The following PSMB7 variants were observed in gnomAD, a reference collection of about 807,000 sequenced individuals.
PSMB7 encodes proteasome subunit beta type-7.
In PSMB7, 5 loss-of-function variants were observed where a neutral mutation model predicts 28.1. The ratio of observed to expected loss-of-function variants is 0.18; its 90% CI spans 0.09 to 0.37. PSMB7 has a LOEUF of 0.37. Ranked by LOEUF, PSMB7 falls within the 10% of genes least tolerant of loss-of-function variation. PSMB7 has a pLI of 1.00. For missense variants in PSMB7, 275 were observed against 346.2 expected (o/e 0.79, Z 1.63); for synonymous variants, 122 against 123.7 (o/e 0.99, Z 0.09).
At chr9:124,398,510 GT>G (rs1232003232) in intron 5 of PSMB7, 7 of 326,898 alleles carry the variant, frequency 2.1e-5, no homozygotes, top group South Asian at 7.9e-5. Context: ...AAATCACGTT[GT>G]TTTTGGGTAG....
chr9:124,397,211 C>T (rs1248518623), intron 5 of PSMB7, among the ~76,000 whole-genome samples: 1 of 152,216 alleles, frequency 6.6e-6, no homozygotes, highest in Non-Finnish European at 1.5e-5. Context: ...GCACCCACCT[C>T]ACAGTGGTGC....
At chr9:124,369,252 G>C (rs1371074725) in intron 6 of PSMB7, among the ~76,000 whole-genome samples, 1 of 152,164 alleles carries the variant, frequency 6.6e-6, no homozygotes, top group Non-Finnish European at 1.5e-5. Context: ...TTCAGGGTGA[G>C]GGGAGGGTAG....
intron 6 of PSMB7, among the ~76,000 whole-genome samples, chr9:124,377,002 C>A (rs1830617157): frequency 1.3e-5 from 2 of 152,228 alleles, no homozygotes; most frequent in Non-Finnish European, 2.9e-5. Flanking sequence ...GATAAGAAGG[C>A]CTGTATCTAT....
At chr9:124,358,727 CCT>C (rs1588566269) in intron 6 of PSMB7, among the ~76,000 whole-genome samples, 1 of 152,252 alleles carries the variant, frequency 6.6e-6, no homozygotes, top group Admixed American at 6.5e-5. Context: ...TACTTATTCC[CCT>C]GTTCCCGGCC....
chr9:124,385,056 C>G (rs1455386204), intron 5 of PSMB7, among the ~76,000 whole-genome samples: 1 of 152,212 alleles, frequency 6.6e-6, no homozygotes, highest in African/African-American at 2.4e-5. Context: ...GGGTATAGCG[C>G]TAAATACCAA....
intron 6 of PSMB7, among the ~76,000 whole-genome samples, chr9:124,367,757 G>C (rs1380592410): frequency 6.6e-6 from 1 of 152,158 alleles, no homozygotes; most frequent in Non-Finnish European, 1.5e-5. Context: ...TGGTCATGAG[G>C]ATGATACGAA....
chr9:124,405,993 C>G (rs1830958613), intron 4 of PSMB7, among the ~76,000 whole-genome samples: 1 of 152,018 alleles, frequency 6.6e-6, no homozygotes. Flanking sequence ...GCCCACAGTC[C>G]CCTTTAAAAG....
intron 5 of PSMB7, among the ~76,000 whole-genome samples, chr9:124,392,879 T>C (rs1197704143): frequency 1.3e-5 from 2 of 152,308 alleles, no homozygotes; most frequent in East Asian, 1.9e-4. Context: ...TTTGCCACCA[T>C]GGCCTGCCAA....
chr9:124,353,815 C>A, intron 7 of PSMB7, 106 bp from the exon 8 acceptor site: 1 of 833,500 alleles, frequency 1.2e-6, no homozygotes, highest in Non-Finnish European at 2.0e-6. Context: ...GCAGGCTGGA[C>A]TGGAATCTTG....
intron 6 of PSMB7, among the ~76,000 whole-genome samples, chr9:124,377,692 T>C (rs1174578825): frequency 1.3e-5 from 2 of 152,230 alleles, no homozygotes; most frequent in African/African-American, 4.8e-5. Context: ...TAGCAATCTA[T>C]AAGGGCTTCT....
intron 6 of PSMB7, among the ~76,000 whole-genome samples, chr9:124,357,919 G>A (rs920826469): frequency 2.6e-5 from 4 of 152,192 alleles, no homozygotes; most frequent in African/African-American, 9.7e-5. Context: ...TGCACACGAG[G>A]CACTCAGAAA....
intron 5 of PSMB7, among the ~76,000 whole-genome samples, chr9:124,387,110 G>A (rs962784231): frequency 1.3e-5 from 2 of 152,104 alleles, no homozygotes; most frequent in African/African-American, 4.8e-5. Context: ...GCCGAGCATG[G>A]TGGTGGGCGC....
At chr9:124,357,797 G>A (rs761288286) in intron 6 of PSMB7, among the ~76,000 whole-genome samples, 3 of 152,194 alleles carry the variant, frequency 2.0e-5, no homozygotes, top group Non-Finnish European at 4.4e-5. Context: ...GTCTAGCAGG[G>A]GCACCTGACC....
chr9:124,405,289 T>C, intron 5 of PSMB7, 28 bp downstream of exon 5: 1 of 1,503,818 alleles, frequency 6.6e-7, no homozygotes, highest in Non-Finnish European at 9.2e-7. Context: ...AAGAGTACTC[T>C]TAAACATCAG....
At chr9:124,412,935 A>G (rs1403622473) in intron 3 of PSMB7, among the ~76,000 whole-genome samples, 5 of 152,292 alleles carry the variant, frequency 3.3e-5, no homozygotes, top group Admixed American at 6.5e-5. Context: ...GACAAAAATT[A>G]TAACACATAA....
chr9:124,383,681 C>A (rs1830690597), intron 6 of PSMB7: 1 of 152,166 alleles, frequency 6.6e-6, no homozygotes, highest in Non-Finnish European at 1.5e-5. Context: ...CAGAGACACC[C>A]TCTGGTCCCT....
intron 4 of PSMB7, among the ~76,000 whole-genome samples, chr9:124,406,477 G>A (rs1486581295): frequency 7.0e-6 from 1 of 142,508 alleles, no homozygotes; most frequent in Non-Finnish European, 1.5e-5. Context: ...ACTCCAGCCA[G>A]GACAGAGCAA....
At chr9:124,383,654 T>G (rs1169963834) in intron 6 of PSMB7, 1 of 152,140 alleles carries the variant, frequency 6.6e-6, no homozygotes, top group African/African-American at 2.4e-5. Context: ...CATAAGGCAC[T>G]GTCAAAAAGC....
intron 5 of PSMB7, chr9:124,398,431 G>A (rs145467943): frequency 1.5e-5 from 5 of 330,696 alleles, no homozygotes; most frequent in Admixed American, 4.6e-5. Flanking sequence ...GTACAAAACC[G>A]TGATCTTACA....
Sources: gnomAD v4.1 joint callset for allele counts (sites outside exome capture counted in the v4.1 genomes callset) on GRCh38, gnomAD v4.1.1 for gene constraint, MANE v1.5 for transcripts, NCBI Gene and HGNC (gene_info 2026-07-23, HGNC 2026-07-21) for gene names.